The following PRKN variants were observed in gnomAD, a reference collection of about 807,000 sequenced individuals.
PRKN encodes E3 ubiquitin-protein ligase parkin.
A neutral mutation model predicts 59.5 loss-of-function variants in PRKN; 56 were observed. That is an observed-to-expected ratio of 0.94 (90% confidence interval 0.76 to 1.18). The LOEUF (loss-of-function observed/expected upper bound fraction) is 1.18. Ranked by LOEUF, PRKN falls within the 50% of genes most tolerant of loss-of-function variation. PRKN has a pLI of 0.00. For missense variants in PRKN, 657 were observed against 596.4 expected (o/e 1.10, Z -1.06); for synonymous variants, 250 against 222.1 (o/e 1.13, Z -1.12).
chr6:161,674,621 C>T (rs1019887948), intron 7 of PRKN, among the ~76,000 whole-genome samples: 30 of 152,046 alleles, frequency 2.0e-4, no homozygotes, highest in African/African-American at 4.8e-4. Flanking sequence ...ATATTACATG[C>T]GTAATTGTGG....
At chr6:161,946,340 A>G (rs1392968833) in intron 6 of PRKN, among the ~76,000 whole-genome samples, 1 of 149,902 alleles carries the variant, frequency 6.7e-6, no homozygotes, top group African/African-American at 2.4e-5. Context: ...CTTTAGGAGA[A>G]ATAAAGATGA....
At chr6:162,226,332 C>T (rs1412650943) in intron 3 of PRKN, among the ~76,000 whole-genome samples, 4 of 152,078 alleles carry the variant, frequency 2.6e-5, no homozygotes, top group African/African-American at 7.2e-5. Flanking sequence ...TCCAAGGCTG[C>T]GCTGCACCCC....
At chr6:161,812,744 G>A (rs1229235924) in intron 6 of PRKN, among the ~76,000 whole-genome samples, 1 of 152,140 alleles carries the variant, frequency 6.6e-6, no homozygotes, top group Non-Finnish European at 1.5e-5. Context: ...CCAAGTGTTG[G>A]CAAGGATATA....
chr6:161,455,184 G>A (rs564428210), intron 9 of PRKN, among the ~76,000 whole-genome samples: 42 of 151,936 alleles, frequency 2.8e-4, no homozygotes, highest in African/African-American at 8.9e-4. Flanking sequence ...AATTACAGGC[G>A]CCTGCCACCA....
intron 9 of PRKN, among the ~76,000 whole-genome samples, chr6:161,434,494 C>T (rs904325840): frequency 3.3e-5 from 5 of 152,174 alleles, no homozygotes; most frequent in Non-Finnish European, 5.9e-5. Context: ...AACTGGACTC[C>T]GATTCCTCAG....
chr6:161,693,762 C>T (rs772671232), intron 7 of PRKN, among the ~76,000 whole-genome samples: 170 of 152,312 alleles, frequency 1.1e-3, no homozygotes, highest in Non-Finnish European at 2.0e-3. Flanking sequence ...TATACAATTA[C>T]TTTTCATAAT....
intron 1 of PRKN, among the ~76,000 whole-genome samples, chr6:162,583,029 C>A (rs1780848993): frequency 6.6e-6 from 1 of 152,168 alleles, no homozygotes; most frequent in African/African-American, 2.4e-5. Flanking sequence ...GGGATTAATA[C>A]CATTATAAAA....
intron 1 of PRKN, among the ~76,000 whole-genome samples, chr6:162,677,500 C>T (rs1243725955): frequency 6.8e-6 from 1 of 146,316 alleles, no homozygotes; most frequent in Non-Finnish European, 1.5e-5. Flanking sequence ...ACTCTTTGCA[C>T]CTGAAATTAT....
intron 9 of PRKN, among the ~76,000 whole-genome samples, chr6:161,531,915 T>C (rs765462168): frequency 2.0e-5 from 3 of 152,108 alleles, no homozygotes; most frequent in Non-Finnish European, 4.4e-5. Flanking sequence ...ATCCCACTTT[T>C]AGGGATACAT....
chr6:162,678,018 G>C (rs1779619011), intron 1 of PRKN, among the ~76,000 whole-genome samples: 1 of 152,062 alleles, frequency 6.6e-6, no homozygotes, highest in Non-Finnish European at 1.5e-5. Context: ...TTACAGATTA[G>C]TTTGCATTTT....
rs556957583 is a variant in PRKN at position 161,354,929 on chromosome 6, T to C, written c.1286-4718A>G. ...TTCCTACAGTCACGAACCATTTGAC[T>C]CCTACAACTCCATCTTTGGAGGCTG... On this transcript the variant is annotated intron_variant, in intron 11 of 11. Coordinates refer to ENST00000366898, the MANE Select transcript of PRKN (RefSeq NM_004562.3). The surrounding 1 kb of genome is among the most constrained non-coding windows in gnomAD (Gnocchi z 6.7). Among the ~76,000 whole-genome samples the C allele has an allele frequency of 1.1e-4, 17 of 152,318 alleles. No homozygotes were observed. Among genetic ancestry groups the C allele is most frequent in the Non-Finnish European group, 2.1e-4 (14 of 68,024 alleles).
intron 4 of PRKN, among the ~76,000 whole-genome samples, chr6:162,150,491 CT>C (rs1782224338): frequency 6.6e-6 from 1 of 152,198 alleles, no homozygotes; most frequent in African/African-American, 2.4e-5. Context: ...CAGGATTCGT[CT>C]CAGGTGAAAA....
chr6:161,867,154 T>G (rs1050998282), intron 6 of PRKN, among the ~76,000 whole-genome samples: 1 of 152,250 alleles, frequency 6.6e-6, no homozygotes. Context: ...GAGTTGATTT[T>G]GTCTTTCCAA....
intron 7 of PRKN, among the ~76,000 whole-genome samples, chr6:161,756,239 C>T (rs755319435): frequency 6.6e-6 from 1 of 151,860 alleles, no homozygotes; most frequent in Non-Finnish European, 1.5e-5. Flanking sequence ...GTCAGGAGTT[C>T]GAGATCACCG....
intron 1 of PRKN, among the ~76,000 whole-genome samples, chr6:162,714,057 C>T (rs770959541): frequency 5.3e-5 from 8 of 152,128 alleles, no homozygotes; most frequent in African/African-American, 1.2e-4. Flanking sequence ...ATCATTTCTC[C>T]GCCCTGCTGT....
intron 6 of PRKN, among the ~76,000 whole-genome samples, chr6:161,882,113 A>G (rs560066813): frequency 6.6e-6 from 1 of 152,278 alleles, no homozygotes; most frequent in Admixed American, 6.5e-5. Flanking sequence ...ATAAAATTAA[A>G]CACAATACAA....
At chr6:161,389,739 T>C (rs1020579840) in intron 9 of PRKN, among the ~76,000 whole-genome samples, 5 of 152,216 alleles carry the variant, frequency 3.3e-5, no homozygotes, top group Admixed American at 3.3e-4. Context: ...CCCACTGCTT[T>C]CTAGAGAAGC....
Position 161,900,362 on chromosome 6 carries a change from A to G in PRKN, c.734+72940T>C, listed in dbSNP as rs77893464. Among the ~76,000 whole-genome samples the G allele has an allele frequency of 2.2e-3, 324 of 149,258 alleles. 3 individuals carry two copies. The highest frequency in any genetic ancestry group is 6.2e-3 in the Admixed American group (91 of 14,734). On this transcript the variant is annotated intron_variant, in intron 6 of 11. Transcript: ENST00000366898. Reference sequence around the variant, plus strand: ...AGACATGGAGCTTTGGGTGACGCCAATAACACATGAGCCTGGATGCTGCTG... The same window carrying G: ...AGACATGGAGCTTTGGGTGACGCCAGTAACACATGAGCCTGGATGCTGCTG...
At position 161,716,925 on chromosome 6, in the gene PRKN, G is replaced by A. The variant is rs73013497; in HGVS notation, c.871+68847C>T. Among the ~76,000 whole-genome samples, 567 of 152,316 alleles carry A rather than the reference G, an allele frequency of 3.7e-3. 1 individual carries two copies. Among genetic ancestry groups the A allele is most frequent in the Non-Finnish European group, 5.7e-3 (386 of 68,032 alleles). ...GCGAGGGAAAGACAAGATGAGCCTGGTAACCATAATTAGAGAAGCATCACA... is the reference window on the plus strand; with the variant it reads ...GCGAGGGAAAGACAAGATGAGCCTGATAACCATAATTAGAGAAGCATCACA... On this transcript the variant is annotated intron_variant, in intron 7 of 11. Transcript: ENST00000366898.
Sources: allele counts gnomAD v4.1 joint callset (sites outside exome capture counted in the v4.1 genomes callset), GRCh38; gene constraint gnomAD v4.1.1; non-coding constraint Gnocchi (gnomAD v3.1); transcripts MANE v1.5; gene names NCBI Gene and HGNC (gene_info 2026-07-23, HGNC 2026-07-21).